The following DIS3L2 variants were observed in gnomAD, a reference collection of about 807,000 sequenced individuals.
DIS3L2 encodes DIS3 like 3'-5' exoribonuclease 2.
Under a neutral mutation model 97.5 loss-of-function variants are expected in DIS3L2, and 34 were observed. That is an observed-to-expected ratio of 0.35 (90% confidence interval 0.27 to 0.46). DIS3L2 has a LOEUF of 0.46. Ranked by LOEUF, DIS3L2 falls within the 20% of genes least tolerant of loss-of-function variation. DIS3L2 has a pLI of 1.00. For missense variants in DIS3L2, 1,038 were observed against 1,146.0 expected (o/e 0.91, Z 1.36); for synonymous variants, 435 against 445.2 (o/e 0.98, Z 0.29).
At chr2:232,087,370 T>C (rs1007890169) in intron 5 of DIS3L2, 117 bp from the exon 6 acceptor site, 3 of 705,370 alleles carry the variant, frequency 4.3e-6, no homozygotes, top group Admixed American at 2.9e-5. Context: ...AACTACATGA[T>C]TAGTGTCCAA....
chr2:231,975,593 T>C (rs1200547889), intron 1 of DIS3L2, among the ~76,000 whole-genome samples: 4 of 149,956 alleles, frequency 2.7e-5, no homozygotes, highest in African/African-American at 9.8e-5. Flanking sequence ...TAGTCCCAGC[T>C]ACTTGGGAGG....
At chr2:232,059,035 A>G (rs1695627139) in intron 5 of DIS3L2, among the ~76,000 whole-genome samples, 1 of 152,194 alleles carries the variant, frequency 6.6e-6, no homozygotes, top group South Asian at 2.1e-4. Flanking sequence ...AAATATTAAA[A>G]TAGTGCTTCT....
chr2:231,996,378 A>G (rs1327408669), intron 1 of DIS3L2, among the ~76,000 whole-genome samples: 1 of 152,202 alleles, frequency 6.6e-6, no homozygotes, highest in Non-Finnish European at 1.5e-5. Flanking sequence ...GTATACACCT[A>G]GGTCCTTAAA....
At chr2:232,091,336 T>C (rs761892997) in intron 6 of DIS3L2, among the ~76,000 whole-genome samples, 1 of 152,206 alleles carries the variant, frequency 6.6e-6, no homozygotes, top group Non-Finnish European at 1.5e-5. Context: ...GTAATCATCC[T>C]TCTACTCTCT....
At chr2:232,229,155 T>C (rs1692724762) in intron 10 of DIS3L2, among the ~76,000 whole-genome samples, 1 of 152,242 alleles carries the variant, frequency 6.6e-6, no homozygotes, top group Non-Finnish European at 1.5e-5. Flanking sequence ...CAAACTTTTT[T>C]CTTTTCTTGG....
At chr2:232,039,721 G>T (rs1410144869) in intron 5 of DIS3L2, among the ~76,000 whole-genome samples, 1 of 152,136 alleles carries the variant, frequency 6.6e-6, no homozygotes, top group Non-Finnish European at 1.5e-5. Context: ...TTCTTCCTTT[G>T]TCAATTGGAA....
chr2:232,340,149 A>G (rs1696073630), downstream of DIS3L2, among the ~76,000 whole-genome samples: 1 of 152,206 alleles, frequency 6.6e-6, no homozygotes, highest in African/African-American at 2.4e-5. Flanking sequence ...CAAGAAAGGG[A>G]GGATTTTAAG....
intron 14 of DIS3L2, among the ~76,000 whole-genome samples, chr2:232,301,146 G>A (rs979345138): frequency 2.6e-5 from 4 of 152,080 alleles, no homozygotes; most frequent in South Asian, 2.1e-4. Context: ...TAACAACCCC[G>A]GTGTGTTATT....
intron 11 of DIS3L2, among the ~76,000 whole-genome samples, chr2:232,243,474 T>C (rs1404254760): frequency 2.0e-5 from 3 of 151,614 alleles, no homozygotes; most frequent in African/African-American, 7.3e-5. Flanking sequence ...GGCAGGAAAA[T>C]TGTCATCAGT....
intron 1 of DIS3L2, among the ~76,000 whole-genome samples, chr2:232,009,062 T>C (rs1241894501): frequency 6.6e-6 from 1 of 152,188 alleles, no homozygotes; most frequent in East Asian, 1.9e-4. Context: ...TTTGGCTCTT[T>C]TTTATAATTT....
At chr2:232,130,590 CCTCTT>C (rs1698186714) in intron 6 of DIS3L2, 24 bp from the exon 7 acceptor site, 1 of 1,598,152 alleles carries the variant, frequency 6.3e-7, no homozygotes, top group Non-Finnish European at 8.5e-7. Flanking sequence ...GTTGATGACT[CCTCTT>C]CTCTCTTTAT....
In DIS3L2 at chr2:232,050,988, C is replaced by T. The variant is rs190711460; in HGVS notation, c.366+20908C>T. 4.6e-5 allele frequency among the ~76,000 whole-genome samples: 7 copies of T among 152,082 alleles called. No homozygotes were observed. The East Asian group carries it at 9.7e-4, about 21-fold the overall frequency. On this transcript the variant is annotated intron_variant, in intron 5 of 20. Transcript: ENST00000325385. Reference sequence around the variant, plus strand: ...AATTGCAGTTGGAAAGGAGAGTTTGCGAAATGAAAATTAAGGGGAGAGGAG... The same window carrying T: ...AATTGCAGTTGGAAAGGAGAGTTTGTGAAATGAAAATTAAGGGGAGAGGAG...
At chr2:232,099,661 A>G (rs1429881310) in intron 6 of DIS3L2, among the ~76,000 whole-genome samples, 1 of 152,248 alleles carries the variant, frequency 6.6e-6, no homozygotes, top group Non-Finnish European at 1.5e-5. Context: ...TGTGTAAAAC[A>G]GGAATGAACC....
Position 232,024,420 on chromosome 2 carries a change from G to A in DIS3L2, c.264+90G>A, listed in dbSNP as rs1030180610. On this transcript the variant is annotated intron_variant, in intron 4 of 20. Transcript: ENST00000325385. The stretch of plus-strand genomic sequence containing the variant: ...TGAAATCATATATTCTAACTAAAAA[G>A]CAGAGTAGTGAAACAAAATTGACGA... 2.3e-4 allele frequency: 238 copies of A among 1,051,174 alleles called. 1 individual carries two copies. Among genetic ancestry groups the A allele is most frequent in the Middle Eastern group, 1.1e-3 (5 of 4,506 alleles). 65.1% of individuals were successfully genotyped at this position (1,051,174 alleles called of 1,614,324 possible).
At chr2:232,229,836 G>T (rs771609871) in intron 10 of DIS3L2, among the ~76,000 whole-genome samples, 12 of 152,154 alleles carry the variant, frequency 7.9e-5, no homozygotes, top group Non-Finnish European at 1.6e-4. Context: ...TAAGGAGTTT[G>T]CAACTAAAGG....
chr2:232,265,256 G>A (rs937786975), intron 13 of DIS3L2, among the ~76,000 whole-genome samples: 1 of 152,132 alleles, frequency 6.6e-6, no homozygotes, highest in Admixed American at 6.5e-5. Context: ...CTTTGCAGAA[G>A]CCTCTTCTGT....
intron 10 of DIS3L2, among the ~76,000 whole-genome samples, chr2:232,217,974 CCT>C (rs1271354125): frequency 3.3e-5 from 5 of 152,218 alleles, no homozygotes; most frequent in Non-Finnish European, 7.3e-5. Flanking sequence ...TGCTTCTTGG[CCT>C]CTCTGTGCAG....
At chr2:232,127,927 A>T (rs1698110677) in intron 6 of DIS3L2, among the ~76,000 whole-genome samples, 2 of 150,734 alleles carry the variant, frequency 1.3e-5, no homozygotes, top group Admixed American at 1.3e-4. Context: ...TTTTGGGATT[A>T]TTCTTTCCTT....
intron 6 of DIS3L2, among the ~76,000 whole-genome samples, chr2:232,120,163 A>G (rs56187358): frequency 0.011 from 1,719 of 152,206 alleles, 17 homozygotes; most frequent in Non-Finnish European, 0.016. Flanking sequence ...CCAAATTTGA[A>G]ATGTGTTCAA....
Sources: gnomAD v4.1 joint callset for allele counts (sites outside exome capture counted in the v4.1 genomes callset) on GRCh38, gnomAD v4.1.1 for gene constraint, MANE v1.5 for transcripts, NCBI Gene and HGNC (gene_info 2026-07-23, HGNC 2026-07-21) for gene names.